Variants in ADARB1 observed in about 807,000 individuals in gnomAD.
ADARB1 encodes adenosine deaminase RNA specific B1.
Under a neutral mutation model 52.4 loss-of-function variants are expected in ADARB1, and 10 were observed. The ratio of observed to expected loss-of-function variants is 0.19; its 90% CI spans 0.12 to 0.32. The LOEUF is 0.32. Ranked by LOEUF, ADARB1 falls within the 10% of genes least tolerant of loss-of-function variation. ADARB1 has a pLI of 1.00. For missense variants in ADARB1, 643 were observed against 922.3 expected (o/e 0.70, Z 3.92); for synonymous variants, 349 against 371.1 (o/e 0.94, Z 0.68).
intron 2 of ADARB1, among the ~76,000 whole-genome samples, chr21:45,132,691 G>C (rs1398202401): frequency 6.6e-6 from 1 of 152,026 alleles, no homozygotes; most frequent in Non-Finnish European, 1.5e-5. Flanking sequence ...TTTTTTGTCC[G>C]GTTACATCCA....
chr21:45,180,670 A>G (rs979435571), intron 5 of ADARB1, among the ~76,000 whole-genome samples: 2 of 152,214 alleles, frequency 1.3e-5, no homozygotes, highest in Admixed American at 1.3e-4. Context: ...AAAGCACACT[A>G]TATTAATATT....
In ADARB1 at chr21:45,089,897, A is replaced by C. The variant is rs567542777; in HGVS notation, c.-220+15104A>C. On this transcript the variant is annotated intron_variant, in intron 1 of 10. Transcript: ENST00000348831. ...TTTGGGAACATGCGTCTTCCTTTCT[A>C]AGCTTTGTACTTCCCCTGTATTAAT... Among the ~76,000 whole-genome samples the C allele has an allele frequency of 2.0e-5, 3 of 152,276 alleles. No homozygotes were observed. The South Asian group carries it at 6.2e-4, about 32-fold the overall frequency.
In ADARB1 at chr21:45,172,622, C is replaced by T. The variant is rs1235797152; in HGVS notation, c.28+938C>T. On this transcript the variant is annotated intron_variant, in intron 3 of 10. Transcript: ENST00000348831. The surrounding 1 kb of genome is among the most constrained non-coding windows in gnomAD (Gnocchi z 4.4). ...GATTTCTGCATGGTATTGATTTCTG[C>T]GTGGTATTGCTGCCCCATGGGTGTG... 2.6e-5 allele frequency among the ~76,000 whole-genome samples: 4 copies of T among 152,152 alleles called. No individual in the cohort carries two copies. Among genetic ancestry groups the T allele is most frequent in the Non-Finnish European group, 5.9e-5 (4 of 68,028 alleles).
Position 45,221,575 on chromosome 21 carries a change from G to A in ADARB1, c.1927-443G>A, listed in dbSNP as rs1248827964. 2.6e-5 allele frequency among the ~76,000 whole-genome samples: 4 copies of A among 152,206 alleles called. No homozygotes were observed. The highest frequency in any genetic ancestry group is 7.2e-5 in the African/African-American group (3 of 41,448). ...TATAGCCAGAAGGGACAGTGCCCGGGAGGGTCCTGTTCACCAGGGGCAGCA... is the reference window on the plus strand; with the variant it reads ...TATAGCCAGAAGGGACAGTGCCCGGAAGGGTCCTGTTCACCAGGGGCAGCA... On this transcript the variant is annotated intron_variant, in intron 10 of 10. Coordinates refer to ENST00000348831, the MANE Select transcript of ADARB1 (RefSeq NM_001112.4). This position sits in a 1 kb window ranked among gnomAD's most constrained non-coding sequence, Gnocchi z 4.9.
At chr21:45,114,691 C>T (rs1355190005) in intron 1 of ADARB1, among the ~76,000 whole-genome samples, 3 of 152,244 alleles carry the variant, frequency 2.0e-5, no homozygotes, top group Non-Finnish European at 4.4e-5. Context: ...TCATCATCAC[C>T]TCCAGTAATA....
chr21:45,162,550 G>A lies in ADARB1; in HGVS notation c.-47-9060G>A, dbSNP rs79917750. On this transcript the variant is annotated intron_variant, in intron 2 of 10. Coordinates refer to ENST00000348831, the MANE Select transcript of ADARB1 (RefSeq NM_001112.4). ...GCGCCACCAGTGATGGAGGTTTCTG[G>A]CCAGAAAAATGATACCCTGAGGATC... is the stretch of plus-strand genomic sequence containing the variant. Among the ~76,000 whole-genome samples the A allele has an allele frequency of 3.5e-3, 531 of 152,236 alleles. 2 individuals are homozygous for A. The highest frequency in any genetic ancestry group is 4.6e-3 in the Non-Finnish European group (313 of 68,000).
intron 2 of ADARB1, among the ~76,000 whole-genome samples, chr21:45,143,099 G>A (rs2838791): frequency 0.31 from 47,801 of 152,062 alleles, 7,997 homozygotes; most frequent in East Asian, 0.38. Flanking sequence ...TTGGCAGGTG[G>A]CCATCGCTCA....
chr21:45,224,020 C>A lies in ADARB1; in HGVS notation c.*1823C>A. On this transcript the variant is annotated 3_prime_UTR_variant, in exon 11 of 11. Coordinates refer to ENST00000348831, the MANE Select transcript of ADARB1 (RefSeq NM_001112.4). ...AGTGGGGTTTTGTTCAGGCAGATCG[C>A]GCTGGGGTTCTGCACCTGCAGAAGG... The A allele has an allele frequency of 2.0e-6, 2 of 985,436 alleles. No homozygotes were observed. The highest frequency in any genetic ancestry group is 2.4e-6 in the Non-Finnish European group (2 of 829,982). The allele number at this position is 985,436 out of a possible 1,614,324, so 61.0% of individuals were successfully genotyped here. A position where few individuals can be genotyped will look rare whatever the true frequency, so the allele number is the denominator to read the frequency against.
At chr21:45,076,179 G>A (rs2085927078) in intron 1 of ADARB1, among the ~76,000 whole-genome samples, 1 of 152,212 alleles carries the variant, frequency 6.6e-6, no homozygotes, top group African/African-American at 2.4e-5. Context: ...GGGTTTCCCA[G>A]AGGGGAAAGG....
At chr21:45,092,073 G>C (rs943517526) in intron 1 of ADARB1, among the ~76,000 whole-genome samples, 1 of 152,146 alleles carries the variant, frequency 6.6e-6, no homozygotes, top group Non-Finnish European at 1.5e-5. Context: ...TAGAGGAGCA[G>C]AGTGTGTGAC....
At chr21:45,104,185 T>A (rs945768034) in intron 1 of ADARB1, among the ~76,000 whole-genome samples, 2 of 152,234 alleles carry the variant, frequency 1.3e-5, no homozygotes, top group African/African-American at 4.8e-5. Context: ...CTTTCTTGTC[T>A]GTCTCCTTGT....
intron 1 of ADARB1, among the ~76,000 whole-genome samples, chr21:45,086,159 C>T (rs909370783): frequency 6.6e-6 from 1 of 152,184 alleles, no homozygotes; most frequent in South Asian, 2.1e-4. Flanking sequence ...CCCTGTGTGC[C>T]TTTTCACACT....
rs1318377177 is a variant in ADARB1 at position 45,222,102 on chromosome 21, G to A, written c.2011G>A (p.Ala671Thr). 1.2e-6 allele frequency: 2 copies of A among 1,613,190 alleles called. No homozygotes were observed. Among genetic ancestry groups the A allele is most frequent in the Admixed American group, 1.7e-5 (1 of 59,962 alleles). ...SKLAAKEYQAAKARLFTAFIK... is the reference protein window; with the variant it reads ...SKLAAKEYQATKARLFTAFIK... ...GCTGGCGGCAAAGGAGTACCAGGCCGCCAAGGCGCGTCTGTTCACAGCCTT... is the reference window on the plus strand; with the variant it reads ...GCTGGCGGCAAAGGAGTACCAGGCCACCAAGGCGCGTCTGTTCACAGCCTT... Residue 671 changes from alanine to threonine, a missense_variant, in exon 11 of 11, where the codon GCC becomes ACC. Transcript: ENST00000348831.
At chr21:45,090,675 G>A (rs1486983213) in intron 1 of ADARB1, among the ~76,000 whole-genome samples, 5 of 152,224 alleles carry the variant, frequency 3.3e-5, no homozygotes, top group East Asian at 1.9e-4. Flanking sequence ...GGATCAACCC[G>A]GAGGCTTCCT....
rs1322422306 is a variant in ADARB1, at chr21:45,226,233, A to T, written c.*4036A>T. 6.6e-6 allele frequency: 1 copy of T among 152,550 alleles called. No individual in the cohort carries two copies. The highest frequency in any genetic ancestry group is 1.9e-4 in the East Asian group (1 of 5,206). 9.4% of individuals were successfully genotyped at this position (152,550 alleles called of 1,614,324 possible). On this transcript the variant is annotated 3_prime_UTR_variant, in exon 11 of 11. Transcript: ENST00000348831. ...ATGGTATGTAAGGAACCGATGGGCC[A>T]TTAAACATGAACTGAACGGTTAAAA...
intron 8 of ADARB1, among the ~76,000 whole-genome samples, chr21:45,203,624 C>T (rs932664235): frequency 6.6e-6 from 1 of 152,212 alleles, no homozygotes; most frequent in African/African-American, 2.4e-5. Flanking sequence ...TAATGAATAC[C>T]TAAGTTGCCA....
rs2092633240 is a variant in ADARB1, at chr21:45,204,765, ATC to A, written c.1747+33_1747+34del. The A allele has an allele frequency of 1.9e-6, 3 of 1,602,782 alleles. No individual in the cohort carries two copies. Among genetic ancestry groups the A allele is most frequent in the Non-Finnish European group, 2.6e-6 (3 of 1,172,416 alleles). On this transcript the variant is annotated intron_variant, in intron 9 of 10. Coordinates refer to ENST00000348831, the MANE Select transcript of ADARB1 (RefSeq NM_001112.4). This position sits in a 1 kb window ranked among gnomAD's most constrained non-coding sequence, Gnocchi z 4.4. ...AGTATCTCTAGAGTGTGCTGATTTA[ATC>A]TCTGTCTTGATTTTGCAATGTTTTC... is the stretch of plus-strand genomic sequence containing the variant.
At chr21:45,212,309 T>C (rs2092784566) in intron 9 of ADARB1, among the ~76,000 whole-genome samples, 1 of 152,080 alleles carries the variant, frequency 6.6e-6, no homozygotes, top group Non-Finnish European at 1.5e-5. Flanking sequence ...GCTTGAAGGG[T>C]GTGACCTTGA....
At chr21:45,098,602 C>T (rs1223320345) in intron 1 of ADARB1, among the ~76,000 whole-genome samples, 1 of 152,216 alleles carries the variant, frequency 6.6e-6, no homozygotes, top group Non-Finnish European at 1.5e-5. Flanking sequence ...TTCCTAGCTG[C>T]AGTGCTGGGC....
Sources: gnomAD v4.1 joint callset for allele counts (sites outside exome capture counted in the v4.1 genomes callset) on GRCh38, gnomAD v4.1.1 for gene constraint, Gnocchi (gnomAD v3.1) non-coding constraint, MANE v1.5 for transcripts, NCBI Gene and HGNC (gene_info 2026-07-23, HGNC 2026-07-21) for gene names.